TMEM132A: variants seen among roughly 807,000 people sequenced by gnomAD.
TMEM132A encodes the protein GRP78-binding protein.
In TMEM132A, 48 loss-of-function variants were observed where a neutral mutation model predicts 69.9. The observed-to-expected ratio is 0.69, with a 90% CI of 0.55 to 0.87. The LOEUF (loss-of-function observed/expected upper bound fraction) is 0.87. Ranked by LOEUF, TMEM132A falls within the 40% of genes least tolerant of loss-of-function variation. TMEM132A has a pLI of 0.00. For missense variants in TMEM132A, 1,287 were observed against 1,407.2 expected (o/e 0.91, Z 1.37); for synonymous variants, 577 against 613.7 (o/e 0.94, Z 0.88).
At position 60,930,543 on chromosome 11, in the gene TMEM132A, C is replaced by T. The variant is rs186974522; in HGVS notation, c.900C>T (p.Ala300=). 112 of 1,610,298 alleles carry T rather than the reference C, an allele frequency of 7.0e-5. No homozygotes were observed. In the East Asian group the frequency reaches 2.1e-3, roughly 30 times the overall value. The change falls in exon 5 of 11, where the codon GCC becomes GCT. Residue 300 remains alanine, a synonymous_variant. Coordinates refer to ENST00000453848, the MANE Select transcript of TMEM132A (RefSeq NM_178031.3). The stretch of plus-strand genomic sequence containing the variant: ...TGAAGAAGGGGCTGCATGTGACAGC[C>T]GCCCGCCCAGCCCAGCCCACACTCT... ...IKVKKGLHVT[A]ARPAQPTLWT...
At position 60,931,013 on chromosome 11, in the gene TMEM132A, C is replaced by T. The variant is rs560020857; in HGVS notation, c.1016+354C>T. ...GGGCCGTTCACATTCCCCCAAAAAG[C>T]CCAGCTGCAGTTCTGCGGTTGTGAA... On this transcript the variant is annotated intron_variant, in intron 5 of 10. Coordinates refer to ENST00000453848, the MANE Select transcript of TMEM132A (RefSeq NM_178031.3). Among the ~76,000 whole-genome samples, 19 of 152,234 alleles carry T rather than the reference C, an allele frequency of 1.2e-4. No homozygotes were observed. In the South Asian group the frequency reaches 3.3e-3, roughly 27 times the overall value.
In TMEM132A at chr11:60,936,273, G is replaced by C. The variant is rs764353563; in HGVS notation, c.2438G>C (p.Arg813Pro). The C allele has an allele frequency of 6.2e-7, 1 of 1,614,030 alleles. No individual in the cohort carries two copies. Among genetic ancestry groups the C allele is most frequent in the African/African-American group, 1.3e-5 (1 of 74,938 alleles). Residue 813 changes from arginine (R) to proline (P), a missense_variant, in exon 11 of 11, where the codon CGG (arginine) becomes CCG (proline). By Grantham distance (103) the Arg-to-Pro change is moderately radical. Coordinates refer to ENST00000453848, the MANE Select transcript of TMEM132A (RefSeq NM_178031.3). The stretch of plus-strand genomic sequence containing the variant: ...ACAGGTGTGAGGGGCAAGTTTGAGC[G>C]GGCAGAGGAGGAGGCCAGGAAGGAG... ...GNTGVRGKFE[R>P]AEEEARKEET...
chr11:60,927,283 T>C lies in TMEM132A; in HGVS notation c.180T>C (p.Arg60=). 6.2e-7 allele frequency: 1 copy of C among 1,613,488 alleles called. No homozygotes were observed. Residue 60 remains arginine, a synonymous_variant, in exon 2 of 11, where the codon CGT becomes CGC. Transcript: ENST00000453848. The stretch of plus-strand genomic sequence containing the variant: ...TCCTAGACGCCCCTGAACACTTCCG[T>C]GTGCAGCAGGTGGGCCACTACCCAC... ...LELLDAPEHF[R]VQQVGHYPPA... is the part of the protein sequence containing the mutation.
At position 60,935,426 on chromosome 11, in the gene TMEM132A, C is replaced by T. The variant is rs760686912; in HGVS notation, c.2011C>T (p.Leu671Phe). ...VTATCWAQSA[L>F]PAPKQEVALS... The stretch of plus-strand genomic sequence containing the variant: ...AGCTACGTGCTGGGCACAGTCAGCC[C>T]TTCCCGCCCCAAAGCAGGTGACAGT... The change falls in exon 10 of 11, where the codon CTT becomes TTT. Residue 671 changes from leucine to phenylalanine, a missense_variant. Transcript: ENST00000453848. This position sits in a 1 kb window ranked among gnomAD's most constrained non-coding sequence, Gnocchi z 5.0. 1.2e-6 allele frequency: 2 copies of T among 1,606,316 alleles called. No homozygotes were observed. The highest frequency in any genetic ancestry group is 1.1e-5 in the South Asian group (1 of 89,382).
At position 60,936,348 on chromosome 11, in the gene TMEM132A, C is replaced by T. The variant is rs372120647; in HGVS notation, c.2513C>T (p.Pro838Leu). Reference sequence around the variant, plus strand: ...GAGGAAGAGGAGGAGGAGATGGTCCCTGCCCCTCAGCATGTCACTGAGCTA... The same window carrying T: ...GAGGAAGAGGAGGAGGAGATGGTCCTTGCCCCTCAGCATGTCACTGAGCTA... ...EEEEEEEEMV[P>L]APQHVTELEL... is the part of the protein sequence containing the mutation. The change falls in exon 11 of 11, where the codon CCT (proline) becomes CTT (leucine). Residue 838 changes from proline to leucine, a missense_variant. By Grantham distance (98) the Pro-to-Leu change is moderately conservative (BLOSUM62 -3). Transcript: ENST00000453848. 31 of 1,614,038 alleles carry T rather than the reference C, an allele frequency of 1.9e-5. No homozygotes were observed. Among genetic ancestry groups the T allele is most frequent in the African/African-American group, 2.7e-5 (2 of 74,924 alleles).
At chr11:60,934,826 T>C in intron 9 of TMEM132A, 62 bp downstream of exon 9, 3 of 1,501,972 alleles carry the variant, frequency 2.0e-6, no homozygotes, top group Non-Finnish European at 2.7e-6. Context: ...CCCCAAAATG[T>C]TCGTGGGTGG....
Position 60,936,382 on chromosome 11 carries a change from C to G in TMEM132A, c.2547C>G (p.Gly849=). The change falls in exon 11 of 11, where the codon GGC becomes GGG. Residue 849 remains glycine (G), a synonymous_variant. Transcript: ENST00000453848. ...APQHVTELEL[G]MYALLGVFCV... The stretch of plus-strand genomic sequence containing the variant: ...AGCATGTCACTGAGCTAGAGCTGGG[C>G]ATGTACGCCCTGCTGGGAGTCTTCT... The G allele has an allele frequency of 6.2e-7, 1 of 1,614,154 alleles. No individual in the cohort carries two copies. Among genetic ancestry groups the G allele is most frequent in the Non-Finnish European group, 8.5e-7 (1 of 1,179,998 alleles).
chr11:60,937,025 TC>T lies in TMEM132A; in HGVS notation c.*123del. 7.8e-7 allele frequency: 1 copy of T among 1,274,148 alleles called. No homozygotes were observed. Among genetic ancestry groups the T allele is most frequent in the South Asian group, 1.6e-5 (1 of 63,764 alleles). The allele number at this position is 1,274,148 out of a possible 1,614,324, so 78.9% of individuals were successfully genotyped here. A position where few individuals can be genotyped will look rare whatever the true frequency, so the allele number is the denominator to read the frequency against. ...TTGTTGATCCAAGTCCCCTGCCTGG[TC>T]CCCCACAAGGACTCCCATCCAGGCC... On this transcript the variant is annotated 3_prime_UTR_variant, in exon 11 of 11. Coordinates refer to ENST00000453848, the MANE Select transcript of TMEM132A (RefSeq NM_178031.3).
Position 60,927,863 on chromosome 11 carries a change from A to C in TMEM132A, c.534+4A>C, listed in dbSNP as rs745563168. On this transcript the variant is annotated splice_donor_region_variant and intron_variant, in intron 3 of 10. Coordinates refer to ENST00000453848, the MANE Select transcript of TMEM132A (RefSeq NM_178031.3). The stretch of plus-strand genomic sequence containing the variant: ...TCACCAAGCCTGCCGCTTCCAGGTG[A>C]GTAGACAGGCCCCACCTAGGCTGGT... The C allele has an allele frequency of 1.2e-6, 2 of 1,605,494 alleles. No individual in the cohort carries two copies. The highest frequency in any genetic ancestry group is 8.5e-7 in the Non-Finnish European group (1 of 1,177,676).
At position 60,928,704 on chromosome 11, in the gene TMEM132A, G is replaced by T; in HGVS notation, c.610G>T (p.Glu204Ter). ...WFSQASTTRA[E>*]LAYTLEPAAE... ...CTCACAGGCCTCCACCACACGGGCC[G>T]AGCTGGCCTACACGCTTGAGCCTGC... Residue 204 changes from glutamate (E) to a stop codon, truncating the protein, a stop_gained, in exon 4 of 11, where the codon GAG becomes TAG. Transcript: ENST00000453848. LOFTEE classifies it high-confidence loss of function. The T allele has an allele frequency of 6.2e-7, 1 of 1,610,842 alleles. No homozygotes were observed.
Position 60,926,975 on chromosome 11 carries a change from G to A in TMEM132A, c.101-229G>A, listed in dbSNP as rs1856359393. On this transcript the variant is annotated intron_variant, in intron 1 of 10. Coordinates refer to ENST00000453848, the MANE Select transcript of TMEM132A (RefSeq NM_178031.3). ...GGAAAGTAGAAGGAATAGCTGGGAA[G>A]CATCCAGTCCTGGACTCAGATTCGA... The A allele has an allele frequency of 5.0e-6, 3 of 596,190 alleles. No individual in the cohort carries two copies. The African/African-American group carries it at 5.6e-5, about 11-fold the overall frequency. 36.9% of individuals were successfully genotyped at this position (596,190 alleles called of 1,614,324 possible).
Position 60,927,852 on chromosome 11 carries a change from G to C in TMEM132A, c.527G>C (p.Arg176Pro). 1 of 1,608,290 alleles carries C rather than the reference G, an allele frequency of 6.2e-7. No homozygotes were observed. Among genetic ancestry groups the C allele is most frequent in the Non-Finnish European group, 8.5e-7 (1 of 1,178,774 alleles). Residue 176 changes from arginine to proline, a missense_variant, in exon 3 of 11, where the codon CGC becomes CCC. By Grantham distance (103) the Arg-to-Pro change is moderately radical (BLOSUM62 -2). Coordinates refer to ENST00000453848, the MANE Select transcript of TMEM132A (RefSeq NM_178031.3). Reference sequence around the variant, plus strand: ...GCCGGCACTGCTCACCAAGCCTGCCGCTTCCAGGTGAGTAGACAGGCCCCA... The same window carrying C: ...GCCGGCACTGCTCACCAAGCCTGCCCCTTCCAGGTGAGTAGACAGGCCCCA... ...HPAGTAHQACRFQPSLGACVV... is the reference protein window; with the variant it reads ...HPAGTAHQACPFQPSLGACVV...
Position 60,930,547 on chromosome 11 carries a change from C to T in TMEM132A, c.904C>T (p.Arg302Cys), listed in dbSNP as rs775380288. 11 of 1,610,392 alleles carry T rather than the reference C, an allele frequency of 6.8e-6. No homozygotes were observed. The highest frequency in any genetic ancestry group is 4.4e-5 in the South Asian group (4 of 90,640). ...GAAGGGGCTGCATGTGACAGCCGCC[C>T]GCCCAGCCCAGCCCACACTCTGGAC... is the stretch of plus-strand genomic sequence containing the variant. Reference protein sequence around the residue: ...VKKGLHVTAARPAQPTLWTAK... With the variant: ...VKKGLHVTAACPAQPTLWTAK... Residue 302 changes from arginine (R) to cysteine (C), a missense_variant, in exon 5 of 11, where the codon CGC (arginine) becomes TGC (cysteine). Coordinates refer to ENST00000453848, the MANE Select transcript of TMEM132A (RefSeq NM_178031.3).
At chr11:60,928,091 TCA>T (rs1856393485) in intron 3 of TMEM132A, among the ~76,000 whole-genome samples, 1 of 152,228 alleles carries the variant, frequency 6.6e-6, no homozygotes, top group Admixed American at 6.5e-5. Flanking sequence ...TCTCTGAGAT[TCA>T]GTTTCCTCAT....
At position 60,932,106 on chromosome 11, in the gene TMEM132A, T is replaced by C; in HGVS notation, c.1335T>C (p.Ser445=). 6.5e-7 allele frequency: 1 copy of C among 1,550,026 alleles called. No individual in the cohort carries two copies. The highest frequency in any genetic ancestry group is 8.7e-7 in the Non-Finnish European group (1 of 1,152,516). The change falls in exon 7 of 11, where the codon TCT becomes TCC. Residue 445 remains serine, a synonymous_variant. Transcript: ENST00000453848. ...VEVTEHVGCE[S]ANTQVLQVSE... ...TGACAGAGCATGTCGGCTGCGAGTC[T>C]GCCAACACACAGGTCCTGCAGGTGA...
rs1229371088 is a variant in TMEM132A at position 60,927,227 on chromosome 11, G to C, written c.124G>C (p.Asp42His). The C allele has an allele frequency of 6.2e-7, 1 of 1,613,336 alleles. No homozygotes were observed. Among genetic ancestry groups the C allele is most frequent in the South Asian group, 1.1e-5 (1 of 91,054 alleles). ...AGTGGACTGTGGCCAGGCTCCCCTG[G>C]ACCCTGTCTACCTGCCGGCAGCCCT... ...VRVDCGQAPL[D>H]PVYLPAALEL... The change falls in exon 2 of 11, where the codon GAC (aspartate) becomes CAC (histidine). Residue 42 changes from aspartate (D) to histidine (H), a missense_variant. By Grantham distance (81) the Asp-to-His change is moderately conservative. Transcript: ENST00000453848.
At position 60,935,247 on chromosome 11, in the gene TMEM132A, C is replaced by T; in HGVS notation, c.1837-5C>T. ...CCCCCACCTCCAGCTCCTTTCCACCCTCAGGTGCGTTCCCCACTGTCTGAC... is the reference window on the plus strand; with the variant it reads ...CCCCCACCTCCAGCTCCTTTCCACCTTCAGGTGCGTTCCCCACTGTCTGAC... On this transcript the variant is annotated splice_polypyrimidine_tract_variant and splice_region_variant and intron_variant, in intron 9 of 10. Coordinates refer to ENST00000453848, the MANE Select transcript of TMEM132A (RefSeq NM_178031.3). This position sits in a 1 kb window ranked among gnomAD's most constrained non-coding sequence, Gnocchi z 5.0. The T allele has an allele frequency of 6.2e-7, 1 of 1,602,728 alleles. No homozygotes were observed. The highest frequency in any genetic ancestry group is 8.5e-7 in the Non-Finnish European group (1 of 1,175,532).
chr11:60,933,188 T>C (rs1202196815), intron 7 of TMEM132A: 1 of 187,940 alleles, frequency 5.3e-6, no homozygotes, highest in East Asian at 1.3e-4. Context: ...TTTTTTTTTT[T>C]AATCTATTTA....
rs1452650611 is a variant in TMEM132A at position 60,930,636 on chromosome 11, T to C, written c.993T>C (p.Ala331=). 6.2e-7 allele frequency: 1 copy of C among 1,612,096 alleles called. No homozygotes were observed. The highest frequency in any genetic ancestry group is 1.1e-5 in the South Asian group (1 of 90,822). ...CCACCCTCATCACCTGCCACCGTGC[T>C]GGGCTCACAGAGCCAGATTCCAGGT... ...HHTTLITCHR[A]GLTEPDSSPL... is the part of the protein sequence containing the mutation. Residue 331 remains alanine, a synonymous_variant, in exon 5 of 11, where the codon GCT becomes GCC. Coordinates refer to ENST00000453848, the MANE Select transcript of TMEM132A (RefSeq NM_178031.3).
Sources: allele counts gnomAD v4.1 joint callset (sites outside exome capture counted in the v4.1 genomes callset), GRCh38; gene constraint gnomAD v4.1.1; non-coding constraint Gnocchi (gnomAD v3.1); transcripts MANE v1.5; gene names NCBI Gene and HGNC (gene_info 2026-07-23, HGNC 2026-07-21).